ARMC2: variants seen among roughly 807,000 people sequenced by gnomAD.
ARMC2 encodes armadillo repeat containing 2.
Under a neutral mutation model 90.3 loss-of-function variants are expected in ARMC2, and 67 were observed. That is an observed-to-expected ratio of 0.74 (90% CI 0.61 to 0.91). ARMC2 has a LOEUF of 0.91. Ranked by LOEUF, ARMC2 falls within the 40% of genes least tolerant of loss-of-function variation. The probability of loss-of-function intolerance (pLI) is 0.00; values close to 1 mark genes in which losing one functional copy is unlikely to be tolerated. For synonymous variants in ARMC2, 393 were observed against 393.0 expected (o/e 1.00, Z 0.00); for missense variants, 920 against 1,030.9 (o/e 0.89, Z 1.47).
chr6:109,042,015 G>A, the ARMC2 span, among the ~76,000 whole-genome samples: 364 of 152,100 alleles, frequency 2.4e-3, 1 homozygote, highest in African/African-American at 8.3e-3. Flanking sequence ...TGATCATAAC[G>A]AAATCACACT....
chr6:108,958,351 G>A (rs958892145), intron 13 of ARMC2, among the ~76,000 whole-genome samples: 15 of 152,186 alleles, frequency 9.9e-5, no homozygotes, highest in Admixed American at 3.3e-4. Context: ...ATTATTGTGG[G>A]TGTGAATTCT....
chr6:108,876,054 T>C (rs1776899187), intron 4 of ARMC2, 89 bp from the exon 5 acceptor site: 2 of 1,152,876 alleles, frequency 1.7e-6, no homozygotes, highest in Non-Finnish European at 2.5e-6. Flanking sequence ...TTAAATCATA[T>C]AAATTCTTAG....
chr6:109,027,753 C>G, the ARMC2 span, among the ~76,000 whole-genome samples: 1 of 152,182 alleles, frequency 6.6e-6, no homozygotes, highest in Non-Finnish European at 1.5e-5. Flanking sequence ...AAAGCATTAT[C>G]TGGCCCAAGA....
chr6:108,854,212 C>T lies in ARMC2; in HGVS notation c.-43-13C>T. 3.7e-6 allele frequency: 5 copies of T among 1,339,382 alleles called. No homozygotes were observed. Among genetic ancestry groups the T allele is most frequent in the Non-Finnish European group, 4.2e-6 (4 of 962,012 alleles). The allele number at this position is 1,339,382 out of a possible 1,614,324, so 83.0% of individuals were successfully genotyped here. A position where few individuals can be genotyped will look rare whatever the true frequency, so the allele number is the denominator to read the frequency against. ...ACAAAAATAATGATGGTTTTTGTAC[C>T]ATGTATTTGCAGGGTGTGGTGTCTA... is the stretch of plus-strand genomic sequence containing the variant. On this transcript the variant is annotated splice_polypyrimidine_tract_variant and intron_variant, in intron 1 of 17. Transcript: ENST00000392644.
At chr6:108,973,276 A>C in intron 17 of ARMC2, 81 bp from the exon 18 acceptor site, 1 of 1,263,138 alleles carries the variant, frequency 7.9e-7, no homozygotes, top group African/African-American at 1.5e-5. Context: ...GGGTGAGTTT[A>C]ACTCATATCA....
At chr6:109,009,668 C>T in the ARMC2 span, 1 of 577,516 alleles carries the variant, frequency 1.7e-6, no homozygotes, top group Non-Finnish European at 2.2e-6. Flanking sequence ...CGCAAAGCAC[C>T]GCCCCTCCGG....
the ARMC2 span, among the ~76,000 whole-genome samples, chr6:108,993,604 C>T: frequency 1.3e-5 from 2 of 152,254 alleles, no homozygotes; most frequent in African/African-American, 4.8e-5. Flanking sequence ...CATCTGGAGA[C>T]ACTTTATAAA....
intron 13 of ARMC2, among the ~76,000 whole-genome samples, chr6:108,960,726 C>A (rs1478740049): frequency 6.6e-6 from 1 of 152,208 alleles, no homozygotes; most frequent in Admixed American, 6.5e-5. Context: ...ATGTAAGCAA[C>A]TGCTAGGAGG....
At chr6:109,052,868 C>A in the ARMC2 span, among the ~76,000 whole-genome samples, 1 of 152,138 alleles carries the variant, frequency 6.6e-6, no homozygotes, top group Non-Finnish European at 1.5e-5. Context: ...AGACTAAGTA[C>A]TGAGAATAGG....
At chr6:109,050,948 AATATT>A in the ARMC2 span, among the ~76,000 whole-genome samples, 1 of 152,188 alleles carries the variant, frequency 6.6e-6, no homozygotes, top group Non-Finnish European at 1.5e-5. Flanking sequence ...CCATAGAAAT[AATATT>A]ATGAGTGGAC....
the ARMC2 span, among the ~76,000 whole-genome samples, chr6:109,052,491 G>A: frequency 1.3e-5 from 2 of 152,102 alleles, no homozygotes; most frequent in African/African-American, 4.8e-5. Context: ...TTTTTAGACA[G>A]CTGAGATCAA....
At chr6:109,047,918 C>T in the ARMC2 span, among the ~76,000 whole-genome samples, 1 of 146,116 alleles carries the variant, frequency 6.8e-6, no homozygotes, top group Non-Finnish European at 1.5e-5. Context: ...AGAGTCATCA[C>T]CACTCCCTAA....
At chr6:108,929,753 G>A (rs938877188) in intron 11 of ARMC2, among the ~76,000 whole-genome samples, 2 of 152,146 alleles carry the variant, frequency 1.3e-5, no homozygotes, top group East Asian at 1.9e-4. Flanking sequence ...AAAGTGCTGC[G>A]ATTAGAGGTG....
chr6:109,049,586 C>G, the ARMC2 span, among the ~76,000 whole-genome samples: 1 of 151,820 alleles, frequency 6.6e-6, no homozygotes, highest in African/African-American at 2.4e-5. Context: ...TGCTAATTAT[C>G]CTGATCTGAT....
At chr6:108,954,906 A>G (rs1777457909) in intron 13 of ARMC2, among the ~76,000 whole-genome samples, 1 of 152,190 alleles carries the variant, frequency 6.6e-6, no homozygotes. Context: ...CAGTTCTGGA[A>G]ACTGGAAGTC....
intron 15 of ARMC2, among the ~76,000 whole-genome samples, chr6:108,962,674 G>A (rs896763411): frequency 2.6e-5 from 4 of 152,222 alleles, no homozygotes; most frequent in African/African-American, 7.2e-5. Context: ...ATGCTATACA[G>A]TATAAATAGT....
intron 10 of ARMC2, among the ~76,000 whole-genome samples, chr6:108,917,050 T>C (rs1297085053): frequency 2.0e-5 from 3 of 152,234 alleles, no homozygotes; most frequent in African/African-American, 7.2e-5. Context: ...AAAGCTCAGA[T>C]TGACTTGAAC....
intron 7 of ARMC2, among the ~76,000 whole-genome samples, chr6:108,904,029 T>G (rs1380009123): frequency 6.6e-6 from 1 of 151,834 alleles, no homozygotes; most frequent in Non-Finnish European, 1.5e-5. Flanking sequence ...AAGCAATAAG[T>G]CAACATGGTA....
the ARMC2 span, among the ~76,000 whole-genome samples, chr6:108,992,476 G>T: frequency 1.2e-4 from 18 of 151,834 alleles, no homozygotes; most frequent in Non-Finnish European, 2.5e-4. Context: ...TCATAATTCT[G>T]GTAAAATAGT....
Sources: gnomAD v4.1 joint callset for allele counts (sites outside exome capture counted in the v4.1 genomes callset) on GRCh38, gnomAD v4.1.1 for gene constraint, MANE v1.5 for transcripts, NCBI Gene and HGNC (gene_info 2026-07-23, HGNC 2026-07-21) for gene names.